The following PRSS37 variants were observed in gnomAD, a reference collection of about 807,000 sequenced individuals.
PRSS37 encodes probable inactive serine protease 37.
PRSS37 carries 25 observed loss-of-function variants against 28.0 expected under a neutral mutation model. The observed-to-expected ratio is 0.89, with a 90% CI of 0.65 to 1.25. The LOEUF is 1.25. Ranked by LOEUF, PRSS37 falls within the 50% of genes most tolerant of loss-of-function variation. PRSS37 has a pLI of 0.00. For missense variants in PRSS37, 282 were observed against 292.2 expected, an observed-to-expected ratio of 0.97 and a Z score of 0.25; for synonymous variants, 109 against 107.8, an observed-to-expected ratio of 1.01 and a Z score of -0.07.
intron 1 of PRSS37, among the ~76,000 whole-genome samples, chr7:141,839,683 T>C (rs1432987062): frequency 2.0e-5 from 3 of 152,148 alleles, no homozygotes; most frequent in African/African-American, 7.2e-5. Flanking sequence ...TTGTTTAATA[T>C]TGATAATATT....
chr7:141,836,282 G>A, downstream of PRSS37: 1 of 1,066,914 alleles, frequency 9.4e-7, no homozygotes, highest in Non-Finnish European at 1.4e-6. Context: ...TTGGCTACTA[G>A]TATGCTACAT....
chr7:141,836,993 G>A lies in PRSS37; in HGVS notation c.567+119C>T. Reference sequence around the variant, plus strand: ...CTGAAGAAACAATGCTGGCTTTGCAGCAGCCTTATCAAATTCTCAAAAAAT... The same window carrying A: ...CTGAAGAAACAATGCTGGCTTTGCAACAGCCTTATCAAATTCTCAAAAAAT... On this transcript the variant is annotated intron_variant, in intron 4 of 4. Coordinates refer to ENST00000350549, the MANE Select transcript of PRSS37 (RefSeq NM_001008270.3). 4 of 1,032,904 alleles carry A rather than the reference G, an allele frequency of 3.9e-6. No individual in the cohort carries two copies. In the South Asian group the frequency reaches 4.4e-5, roughly 11 times the overall value. The allele number at this position is 1,032,904 out of a possible 1,614,324, so 64.0% of individuals were successfully genotyped here. A position where few individuals can be genotyped will look rare whatever the true frequency, so the allele number is the denominator to read the frequency against.
At chr7:141,836,573 G>GAT (rs397762324) in intron 4 of PRSS37, 38 bp from the exon 5 acceptor site, 1 of 1,600,132 alleles carries the variant, frequency 6.2e-7, no homozygotes, top group East Asian at 2.2e-5. Flanking sequence ...GAGAGAGAGA[G>GAT]TAAGAGTGTC....
In PRSS37 at chr7:141,841,418, T is replaced by C. The variant is rs2117275079; in HGVS notation, c.-369A>G. The C allele has an allele frequency of 3.8e-6, 1 of 262,968 alleles. No individual in the cohort carries two copies. The highest frequency in any genetic ancestry group is 4.6e-5 in the South Asian group (1 of 21,800). The allele number at this position is 262,968 out of a possible 1,614,324, so 16.3% of individuals were successfully genotyped here. A position where few individuals can be genotyped will look rare whatever the true frequency, so the allele number is the denominator to read the frequency against. On this transcript the variant is annotated 5_prime_UTR_variant, in exon 1 of 5. Transcript: ENST00000350549. ...TCAGGACTTATCTTCCCCACAGAGT[T>C]TCTGAGACCAGGGCTATGAGGGACA...
Position 141,837,870 on chromosome 7 carries a change from T to C in PRSS37, c.420A>G (p.Gln140=). 1 of 1,610,380 alleles carries C rather than the reference T, an allele frequency of 6.2e-7. No individual in the cohort carries two copies. The highest frequency in any genetic ancestry group is 8.5e-7 in the Non-Finnish European group (1 of 1,177,172). Residue 140 remains glutamine (Q), a synonymous_variant, in exon 3 of 5, where the codon CAA becomes CAG. Coordinates refer to ENST00000350549, the MANE Select transcript of PRSS37 (RefSeq NM_001008270.3). ...VCLLSGLDWS[Q]ENSGRHPDLR... Reference sequence around the variant, plus strand: ...GGAAGGCACACTTACCACTGTTTTCTTGGCTCCAGTCCAAACCTGAGAGTA... The same window carrying C: ...GGAAGGCACACTTACCACTGTTTTCCTGGCTCCAGTCCAAACCTGAGAGTA...
intron 2 of PRSS37, chr7:141,838,411 A>G: frequency 5.6e-6 from 7 of 1,247,920 alleles, no homozygotes; most frequent in Non-Finnish European, 7.1e-6. Flanking sequence ...AGGAAATGTA[A>G]TTTTCTCGCC....
At chr7:141,837,055 C>CAAT (rs1263393272) in intron 4 of PRSS37, 57 bp downstream of exon 4, 7 of 1,550,314 alleles carry the variant, frequency 4.5e-6, no homozygotes, top group Non-Finnish European at 5.3e-6. Flanking sequence ...CATCAAGAGT[C>CAAT]AATAGTTAAC....
intron 2 of PRSS37, chr7:141,839,082 A>G: frequency 1.6e-6 from 1 of 628,782 alleles, no homozygotes; most frequent in African/African-American, 1.8e-5. Context: ...GTTCCTCAAC[A>G]GTGGCACTAT....
chr7:141,837,217 C>G lies in PRSS37; in HGVS notation c.462G>C (p.Glu154Asp). 2 of 1,609,010 alleles carry G rather than the reference C, an allele frequency of 1.2e-6. No homozygotes were observed. The highest frequency in any genetic ancestry group is 1.7e-6 in the Non-Finnish European group (2 of 1,178,160). ...GRHPDLRQNL[E>D]APVMSDRECQ... ...ATTCTCGATCAGACATCACGGGGGC[C>G]TCCAGGTTCTGCCGCAAGTCAGGGT... Residue 154 changes from glutamate to aspartate, a missense_variant, in exon 4 of 5, where the codon GAG becomes GAC. Coordinates refer to ENST00000350549, the MANE Select transcript of PRSS37 (RefSeq NM_001008270.3).
At chr7:141,836,653 GA>G in intron 4 of PRSS37, 118 bp from the exon 5 acceptor site, 1 of 1,103,444 alleles carries the variant, frequency 9.1e-7, no homozygotes, top group South Asian at 1.6e-5. Flanking sequence ...CTGGACTCTT[GA>G]AAAGAGCACC....
intron 2 of PRSS37, chr7:141,839,068 C>A: frequency 1.7e-6 from 1 of 605,664 alleles, no homozygotes; most frequent in Non-Finnish European, 3.0e-6. Context: ...ACATGTAACA[C>A]AGGGTTCCTC....
rs147738958 is a variant in PRSS37, at chr7:141,841,223, T to G, written c.-174A>C. ...GGCATAAACAGGGGAGGGAGATGGC[T>G]TCAGAGAGACAGATGAAAGCCCTCT... On this transcript the variant is annotated 5_prime_UTR_variant, in exon 1 of 5. Coordinates refer to ENST00000350549, the MANE Select transcript of PRSS37 (RefSeq NM_001008270.3). 8.6e-4 allele frequency: 1,206 copies of G among 1,397,990 alleles called. 6 individuals are homozygous for G. In the African/African-American group the frequency reaches 0.016, roughly 19 times the overall value. 86.6% of individuals were successfully genotyped at this position (1,397,990 alleles called of 1,614,324 possible).
chr7:141,837,971 T>C lies in PRSS37; in HGVS notation c.319A>G (p.Lys107Glu). Residue 107 changes from lysine (K) to glutamate (E), a missense_variant, in exon 3 of 5, where the codon AAG (lysine) becomes GAG (glutamate). Lys to Glu is a moderately conservative substitution (Grantham distance 56). Transcript: ENST00000350549. ...QDDLMLIKLA[K>E]PAMLNPKVQP... ...ACTTTGGGATTGAGCATGGCAGGCT[T>C]AGCCAGCTTGATGAGCATGAGGTCA... 2.5e-6 allele frequency: 4 copies of C among 1,614,112 alleles called. No individual in the cohort carries two copies. Among genetic ancestry groups the C allele is most frequent in the Non-Finnish European group, 3.4e-6 (4 of 1,180,002 alleles).
Position 141,841,185 on chromosome 7 carries a change from G to A in PRSS37, c.-136C>T. On this transcript the variant is annotated 5_prime_UTR_variant, in exon 1 of 5. Coordinates refer to ENST00000350549, the MANE Select transcript of PRSS37 (RefSeq NM_001008270.3). Reference sequence around the variant, plus strand: ...GATACGGAGGCACTCCATGGGATTGGAAAGCAGCTCTGGGCATAAACAGGG... The same window carrying A: ...GATACGGAGGCACTCCATGGGATTGAAAAGCAGCTCTGGGCATAAACAGGG... 1 of 1,516,414 alleles carries A rather than the reference G, an allele frequency of 6.6e-7. No individual in the cohort carries two copies. The highest frequency in any genetic ancestry group is 1.3e-5 in the South Asian group (1 of 78,998). The allele number at this position is 1,516,414 out of a possible 1,614,324, so 93.9% of individuals were successfully genotyped here.
In PRSS37 at chr7:141,837,873, G is replaced by C. The variant is rs1801013311; in HGVS notation, c.417C>G (p.Ser139Arg). ...AGGCACACTTACCACTGTTTTCTTGGCTCCAGTCCAAACCTGAGAGTAGAC... is the reference window on the plus strand; with the variant it reads ...AGGCACACTTACCACTGTTTTCTTGCCTCCAGTCCAAACCTGAGAGTAGAC... ...TVCLLSGLDW[S>R]QENSGRHPDL... The change falls in exon 3 of 5, where the codon AGC (serine) becomes AGG (arginine). Residue 139 changes from serine to arginine, a missense_variant. Transcript: ENST00000350549. The C allele has an allele frequency of 1.2e-6, 2 of 1,610,412 alleles. No individual in the cohort carries two copies. The highest frequency in any genetic ancestry group is 2.2e-5 in the East Asian group (1 of 44,792).
chr7:141,837,875 T>C lies in PRSS37; in HGVS notation c.415A>G (p.Ser139Gly). Residue 139 changes from serine (S) to glycine (G), a missense_variant, in exon 3 of 5, where the codon AGC (serine) becomes GGC (glycine). By Grantham distance (56) the Ser-to-Gly change is moderately conservative. Coordinates refer to ENST00000350549, the MANE Select transcript of PRSS37 (RefSeq NM_001008270.3). ...TVCLLSGLDWSQENSGRHPDL... is the reference protein window; with the variant it reads ...TVCLLSGLDWGQENSGRHPDL... ...GCACACTTACCACTGTTTTCTTGGC[T>C]CCAGTCCAAACCTGAGAGTAGACAG... 1 of 1,611,578 alleles carries C rather than the reference T, an allele frequency of 6.2e-7. No homozygotes were observed. Among genetic ancestry groups the C allele is most frequent in the Non-Finnish European group, 8.5e-7 (1 of 1,178,052 alleles).
chr7:141,841,352 T>A lies in PRSS37; in HGVS notation c.-303A>T. On this transcript the variant is annotated 5_prime_UTR_variant, in exon 1 of 5. Transcript: ENST00000350549. ...TGCTGCCCCTAAAAACACATCTGTT[T>A]GAAGGTAGTTCAGTTGTCTGTGGAA... 5.3e-6 allele frequency: 2 copies of A among 379,648 alleles called. No homozygotes were observed. The highest frequency in any genetic ancestry group is 9.8e-6 in the Non-Finnish European group (2 of 203,388). 23.5% of individuals were successfully genotyped at this position (379,648 alleles called of 1,614,324 possible).
In PRSS37 at chr7:141,837,897, A is replaced by G. The variant is rs779090973; in HGVS notation, c.393T>C (p.Cys131=). The G allele has an allele frequency of 1.9e-6, 3 of 1,613,990 alleles. No individual in the cohort carries two copies. Among genetic ancestry groups the G allele is most frequent in the South Asian group, 1.1e-5 (1 of 91,058 alleles). ...GGCTCCAGTCCAAACCTGAGAGTAG[A>G]CAGACAGTGCCTGGCCTGACATTGG... ...ATTNVRPGTV[C]LLSGLDWSQE... Residue 131 remains cysteine (C), a synonymous_variant, in exon 3 of 5, where the codon TGT becomes TGC. Transcript: ENST00000350549.
At position 141,838,038 on chromosome 7, in the gene PRSS37, C is replaced by A. The variant is rs139196533; in HGVS notation, c.252G>T (p.Gln84His). 1.9e-4 allele frequency: 299 copies of A among 1,614,168 alleles called. No homozygotes were observed. The African/African-American group carries it at 3.5e-3, about 19-fold the overall frequency. Residue 84 changes from glutamine (Q) to histidine (H), a missense_variant, in exon 3 of 5, where the codon CAG becomes CAT. Transcript: ENST00000350549. ...DGTEQTINPI[Q>H]IVRYWNYSHS... ...GACTGTAGTTCCAGTAGCGGACGATCTGAATGGGGTTAATTGTCTGTTCAG... is the reference window on the plus strand; with the variant it reads ...GACTGTAGTTCCAGTAGCGGACGATATGAATGGGGTTAATTGTCTGTTCAG...
Sources: gnomAD v4.1 joint callset for allele counts (sites outside exome capture counted in the v4.1 genomes callset) on GRCh38, gnomAD v4.1.1 for gene constraint, MANE v1.5 for transcripts, NCBI Gene and HGNC (gene_info 2026-07-23, HGNC 2026-07-21) for gene names.